SGCZ: variants seen among roughly 807,000 people sequenced by gnomAD.
SGCZ encodes sarcoglycan zeta, also known as zeta-sarcoglycan.
A neutral mutation model predicts 41.3 loss-of-function variants in SGCZ; 40 were observed. The observed-to-expected ratio is 0.97, with a 90% CI of 0.75 to 1.26. The LOEUF (loss-of-function observed/expected upper bound fraction) is 1.26, where lower values mean the gene tolerates loss of function less well. Among genes scored for constraint, SGCZ ranks in the 50% most tolerant of loss-of-function variants. The pLI is 0.00. For synonymous variants in SGCZ, 206 were observed against 137.5 expected (o/e 1.50, Z -3.49); for missense variants, 552 against 369.8 (o/e 1.49, Z -4.04).
chr8:14,444,609 A>G (rs1585522531), intron 2 of SGCZ, among the ~76,000 whole-genome samples: 1 of 149,932 alleles, frequency 6.7e-6, no homozygotes, highest in Non-Finnish European at 1.5e-5. Flanking sequence ...GGGAATTGAA[A>G]AATGAGAACA....
intron 3 of SGCZ, among the ~76,000 whole-genome samples, chr8:14,286,789 T>A (rs535800607): frequency 1.3e-5 from 2 of 152,262 alleles, no homozygotes; most frequent in African/African-American, 4.8e-5. Flanking sequence ...TGAAAGTTTT[T>A]AAAGCTGCTA....
intron 1 of SGCZ, among the ~76,000 whole-genome samples, chr8:14,955,290 T>C (rs1800757134): frequency 1.3e-5 from 2 of 152,206 alleles, no homozygotes; most frequent in South Asian, 4.1e-4. Flanking sequence ...CTATACTGTT[T>C]TTCTTTTGTG....
intron 1 of SGCZ, among the ~76,000 whole-genome samples, chr8:15,143,006 C>G (rs569387532): frequency 9.9e-5 from 15 of 152,156 alleles, no homozygotes; most frequent in Non-Finnish European, 2.2e-4. Context: ...TTGAGAAGGA[C>G]GTACTGTCCT....
At chr8:14,224,181 A>T (rs1007347913) in intron 4 of SGCZ, among the ~76,000 whole-genome samples, 5 of 152,216 alleles carry the variant, frequency 3.3e-5, no homozygotes, top group African/African-American at 1.2e-4. Context: ...ATATGGACTG[A>T]ACTTGAACCT....
chr8:14,765,967 C>T (rs868812541), intron 1 of SGCZ, among the ~76,000 whole-genome samples: 7 of 141,576 alleles, frequency 4.9e-5, no homozygotes, highest in Middle Eastern at 3.7e-3. Flanking sequence ...ATATGATAGT[C>T]TTTTTTTTTT....
At chr8:15,036,235 A>G (rs936669651) in intron 1 of SGCZ, among the ~76,000 whole-genome samples, 4 of 152,286 alleles carry the variant, frequency 2.6e-5, no homozygotes, top group African/African-American at 9.6e-5. Context: ...CCTAGAAGAA[A>G]TATGTCTAAG....
rs567579439 is a variant in SGCZ at position 14,507,111 on chromosome 8, C to G, written c.234+47621G>C. ...TAACTCAAAATTAACATGCCAAAAACTAATCTTCCCTATCTTCCAAACTGT... is the reference window on the plus strand; with the variant it reads ...TAACTCAAAATTAACATGCCAAAAAGTAATCTTCCCTATCTTCCAAACTGT... On this transcript the variant is annotated intron_variant, in intron 2 of 7. Transcript: ENST00000382080. Among the ~76,000 whole-genome samples, 4 of 132,362 alleles carry G rather than the reference C, an allele frequency of 3.0e-5. No individual in the cohort carries two copies. The South Asian group carries it at 9.2e-4, about 30-fold the overall frequency. The allele number at this position is 132,362 out of a possible 152,430, so 86.8% of individuals were successfully genotyped here. A position where few individuals can be genotyped will look rare whatever the true frequency, so the allele number is the denominator to read the frequency against.
intron 1 of SGCZ, among the ~76,000 whole-genome samples, chr8:14,573,800 T>C (rs555519156): frequency 1.3e-5 from 2 of 152,210 alleles, no homozygotes; most frequent in South Asian, 2.1e-4. Context: ...AGGAAGCTTA[T>C]AGGAATTGGT....
At chr8:14,375,189 A>G (rs2117173456) in intron 2 of SGCZ, among the ~76,000 whole-genome samples, 1 of 152,336 alleles carries the variant, frequency 6.6e-6, no homozygotes, top group African/African-American at 2.4e-5. Context: ...CAATGAAAAA[A>G]GTATGATATT....
intron 1 of SGCZ, among the ~76,000 whole-genome samples, chr8:14,970,774 C>A (rs986643357): frequency 6.6e-6 from 1 of 152,060 alleles, no homozygotes; most frequent in African/African-American, 2.4e-5. Context: ...GTAATTTTTG[C>A]TACTTTAGTT....
intron 1 of SGCZ, among the ~76,000 whole-genome samples, chr8:14,996,293 A>T (rs1404555056): frequency 6.6e-6 from 1 of 152,178 alleles, no homozygotes; most frequent in Non-Finnish European, 1.5e-5. Flanking sequence ...CCATTTACAA[A>T]ATTATTGAAA....
intron 4 of SGCZ, among the ~76,000 whole-genome samples, chr8:14,172,828 A>G (rs1031456768): frequency 2.0e-5 from 3 of 152,166 alleles, no homozygotes; most frequent in African/African-American, 7.2e-5. Context: ...AAGGCTCTCC[A>G]GAAAACTTAT....
At chr8:14,771,988 C>G (rs1033047886) in intron 1 of SGCZ, among the ~76,000 whole-genome samples, 1 of 152,018 alleles carries the variant, frequency 6.6e-6, no homozygotes, top group Non-Finnish European at 1.5e-5. Context: ...AATGGTTCAA[C>G]TTGATGATTT....
chr8:14,264,340 G>A (rs1247633059), intron 3 of SGCZ, among the ~76,000 whole-genome samples: 2 of 152,162 alleles, frequency 1.3e-5, no homozygotes, highest in Non-Finnish European at 2.9e-5. Flanking sequence ...CCTTCACAAT[G>A]AGACAGAGTA....
chr8:14,514,413 G>A (rs1252604122), intron 2 of SGCZ, among the ~76,000 whole-genome samples: 3 of 151,850 alleles, frequency 2.0e-5, no homozygotes, highest in Non-Finnish European at 4.4e-5. Context: ...TAGGAAAAAC[G>A]ACATCTCTTA....
chr8:14,596,634 G>C (rs1805421794), intron 1 of SGCZ, among the ~76,000 whole-genome samples: 2 of 152,004 alleles, frequency 1.3e-5, no homozygotes, highest in African/African-American at 4.8e-5. Flanking sequence ...GATTAGTTTA[G>C]AATATCGTCC....
At chr8:14,603,964 C>G (rs540423700) in intron 1 of SGCZ, among the ~76,000 whole-genome samples, 2 of 152,116 alleles carry the variant, frequency 1.3e-5, no homozygotes, top group Non-Finnish European at 2.9e-5. Context: ...ATATCTCACA[C>G]TGTTACTATG....
At chr8:14,448,972 T>G (rs1178496950) in intron 2 of SGCZ, among the ~76,000 whole-genome samples, 1 of 152,178 alleles carries the variant, frequency 6.6e-6, no homozygotes, top group Non-Finnish European at 1.5e-5. Context: ...CAGTTTTTAT[T>G]CAAGATCAAT....
chr8:15,210,010 C>T (rs190396856), intron 1 of SGCZ, among the ~76,000 whole-genome samples: 99 of 152,160 alleles, frequency 6.5e-4, no homozygotes, highest in Admixed American at 2.4e-3. Flanking sequence ...CTCTTCTTTC[C>T]CATCAGGTAA....
Sources: gnomAD v4.1 joint callset for allele counts (sites outside exome capture counted in the v4.1 genomes callset) on GRCh38, gnomAD v4.1.1 for gene constraint, MANE v1.5 for transcripts, NCBI Gene and HGNC (gene_info 2026-07-23, HGNC 2026-07-21) for gene names.